IQSEC2: variants seen among roughly 807,000 people sequenced by gnomAD.
IQSEC2 encodes IQ motif and SEC7 domain-containing protein 2.
A neutral mutation model predicts 74.6 loss-of-function variants in IQSEC2; 6 were observed. The ratio of observed to expected loss-of-function variants is 0.08; its 90% CI spans 0.04 to 0.16. The LOEUF is 0.16. Among genes scored for constraint, IQSEC2 ranks in the 10% least tolerant of loss-of-function variants. The probability of loss-of-function intolerance (pLI) is 1.00; values close to 1 mark genes in which losing one functional copy is unlikely to be tolerated. For missense variants in IQSEC2, 734 were observed against 1,306.2 expected (o/e 0.56, Z 6.75); for synonymous variants, 494 against 544.5 (o/e 0.91, Z 1.29).
At chrX:53,265,777 T>C (rs1486065936) in intron 2 of IQSEC2, among the ~76,000 whole-genome samples, 2 of 111,777 alleles carry the variant, frequency 1.8e-5, no homozygotes, top group Non-Finnish European at 3.8e-5. Flanking sequence ...TGGCTTCCTC[T>C]CAGATTCAGA....
chrX:53,265,872 G>C (rs2074648136), intron 2 of IQSEC2, among the ~76,000 whole-genome samples: 1 of 112,524 alleles, frequency 8.9e-6, no homozygotes, highest in Non-Finnish European at 1.9e-5. Context: ...TGCATCATCA[G>C]AATTTGTTCA....
At position 53,320,564 on chromosome X, in the gene IQSEC2, C is replaced by T. The variant is rs886044891; in HGVS notation, c.560G>A (p.Gly187Asp). The T allele has an allele frequency of 2.9e-5, 34 of 1,156,125 alleles. No individual in the cohort carries two copies. Among genetic ancestry groups the T allele is most frequent in the Non-Finnish European group, 3.3e-5 (29 of 868,605 alleles). The change falls in exon 1 of 15, where the codon GGC becomes GAC. Residue 187 changes from glycine to aspartate, a missense_variant. Gly to Asp is a moderately conservative substitution (Grantham distance 94). Transcript: ENST00000642864. ...CCCCACGCCCACCGCCGCCGAATAG[C>T]CCGCTTCCTTCTCGCGGCCCGGGTG... is the stretch of plus-strand genomic sequence containing the variant. ...PAHPGREKEA[G>D]YSAAVGVGPR...
intron 1 of IQSEC2, among the ~76,000 whole-genome samples, chrX:53,316,579 G>T (rs1481242769): frequency 9.0e-6 from 1 of 111,306 alleles, no homozygotes. Context: ...TCAGCACTTT[G>T]GGACGCCAAG....
downstream of IQSEC2, chrX:53,226,280 G>C (rs2074037366): frequency 8.9e-6 from 1 of 112,836 alleles, no homozygotes; most frequent in Non-Finnish European, 1.9e-5. Context: ...GGCATCTACT[G>C]ATTGGAGGAT....
intron 2 of IQSEC2, among the ~76,000 whole-genome samples, chrX:53,289,395 G>C (rs1556872540): frequency 9.0e-6 from 1 of 110,955 alleles, no homozygotes. Flanking sequence ...CCCGCGTTCT[G>C]ACCTTACTGC....
intron 1 of IQSEC2, among the ~76,000 whole-genome samples, chrX:53,319,857 C>T (rs1196374221): frequency 9.0e-6 from 1 of 110,730 alleles, no homozygotes; most frequent in Admixed American, 9.6e-5. Flanking sequence ...CTTTGCTCCC[C>T]CCGGCCAGAA....
chrX:53,233,583 C>G lies in IQSEC2; in HGVS notation c.*636G>C, dbSNP rs2074080580. On this transcript the variant is annotated 3_prime_UTR_variant, in exon 15 of 15. Transcript: ENST00000642864. The stretch of plus-strand genomic sequence containing the variant: ...GGGCTGGGGCCTACTGGAGAAAGGG[C>G]ATAGACTGGCTCGAGAGAGGAAGCA... 1 of 196,980 alleles carries G rather than the reference C, an allele frequency of 5.1e-6. No homozygotes were observed. Among genetic ancestry groups the G allele is most frequent in the Non-Finnish European group, 9.3e-6 (1 of 107,630 alleles). 16.2% of individuals were successfully genotyped at this position (196,980 alleles called of 1,213,427 possible). A position where few individuals can be genotyped will look rare whatever the true frequency, so the allele number is the denominator to read the frequency against.
At chrX:53,266,905 G>T in intron 2 of IQSEC2, 1 of 766,417 alleles carries the variant, frequency 1.3e-6, no homozygotes, top group Non-Finnish European at 1.8e-6. Context: ...GTGGGTGGGG[G>T]GAAGGAGGGG....
chrX:53,232,848 C>T (rs1455480429), downstream of IQSEC2: 2 of 112,500 alleles, frequency 1.8e-5, no homozygotes, highest in African/African-American at 6.5e-5. Flanking sequence ...GGGGAAGGGG[C>T]GCAGAAGTAG....
At chrX:53,280,164 C>T (rs1221281565) in intron 2 of IQSEC2, among the ~76,000 whole-genome samples, 3 of 84,145 alleles carry the variant, frequency 3.6e-5, no homozygotes, top group African/African-American at 9.9e-5. Flanking sequence ...TCACACCAGA[C>T]GCCACAGGGG....
Position 53,236,512 on chromosome X carries a change from G to A in IQSEC2, c.3278-17C>T, listed in dbSNP as rs1556859759. 1 of 1,185,780 alleles carries A rather than the reference G, an allele frequency of 8.4e-7. No homozygotes were observed. The highest frequency in any genetic ancestry group is 1.1e-6 in the Non-Finnish European group (1 of 881,459). On this transcript the variant is annotated splice_polypyrimidine_tract_variant and intron_variant, in intron 12 of 14. Transcript: ENST00000642864. Reference sequence around the variant, plus strand: ...CCAGCTCCGCTGGGTGGCAGTCGGGGAGACAGGGAGCAAAGGTCAGGAACA... The same window carrying A: ...CCAGCTCCGCTGGGTGGCAGTCGGGAAGACAGGGAGCAAAGGTCAGGAACA...
chrX:53,238,966 C>A (rs781816119), intron 11 of IQSEC2, among the ~76,000 whole-genome samples: 1 of 111,422 alleles, frequency 9.0e-6, no homozygotes, highest in South Asian at 3.8e-4. Context: ...CTTTGGCCCA[C>A]CAGAGAACAC....
At chrX:53,279,614 C>T in intron 2 of IQSEC2, 1 of 1,202,864 alleles carries the variant, frequency 8.3e-7, no homozygotes, top group African/African-American at 1.8e-5. Flanking sequence ...AGTCAAGGAC[C>T]TGAGTAGGAC....
At position 53,242,893 on chromosome X, in the gene IQSEC2, G is replaced by A. The variant is rs1325491666; in HGVS notation, c.2889+439C>T. On this transcript the variant is annotated intron_variant, in intron 9 of 14. Transcript: ENST00000642864. Reference sequence around the variant, plus strand: ...TGGAACTCCAGGCATGCACCATCACGCCCGCAGCTAATTTTTGTATTTTTA... The same window carrying A: ...TGGAACTCCAGGCATGCACCATCACACCCGCAGCTAATTTTTGTATTTTTA... Among the ~76,000 whole-genome samples the A allele has an allele frequency of 5.4e-5, 6 of 111,020 alleles. No individual in the cohort carries two copies. The South Asian group carries it at 1.2e-3, about 21-fold the overall frequency.
At chrX:53,231,279 C>T (rs2074063114), downstream of IQSEC2, 1 of 110,537 alleles carries the variant, frequency 9.0e-6, no homozygotes, top group African/African-American at 3.3e-5. Flanking sequence ...GTTGGGAAAA[C>T]CTTCATCAGG....
At chrX:53,274,452 CT>C (rs66510453) in intron 2 of IQSEC2, among the ~76,000 whole-genome samples, 204 of 47,074 alleles carry the variant, frequency 4.3e-3, no homozygotes, top group African/African-American at 0.019. Context: ...AGTTACATTT[CT>C]TTTTTTTTTT....
intron 2 of IQSEC2, among the ~76,000 whole-genome samples, chrX:53,285,335 C>T (rs782416669): frequency 1.2e-4 from 14 of 112,711 alleles, no homozygotes; most frequent in Non-Finnish European, 2.1e-4. Flanking sequence ...TGTTACTCAC[C>T]ACCCTATCAG....
In IQSEC2 at chrX:53,233,906, C is replaced by A; in HGVS notation, c.*313G>T. The A allele has an allele frequency of 3.4e-6, 1 of 298,028 alleles. No individual in the cohort carries two copies. Among genetic ancestry groups the A allele is most frequent in the African/African-American group, 2.7e-5 (1 of 36,832 alleles). The allele number at this position is 298,028 out of a possible 1,213,427, so 24.6% of individuals were successfully genotyped here. On this transcript the variant is annotated 3_prime_UTR_variant, in exon 15 of 15. Coordinates refer to ENST00000642864, the MANE Select transcript of IQSEC2 (RefSeq NM_001111125.3). ...AGAGGTCTGAGGCCACAGAGCTAGA[C>A]CTCCAGGGAAAAGTGGGGAAGAAGA...
chrX:53,254,670 C>A lies in IQSEC2; in HGVS notation c.1261G>T (p.Ala421Ser). ...ASLDEGAMAGARSHRLERGLP... is the reference protein window; with the variant it reads ...ASLDEGAMAGSRSHRLERGLP... ...CCCCGTTCAAGCCGGTGGCTCCGGG[C>A]ACCAGCCATGGCACCCTCGTCCAGC... The change falls in exon 4 of 15, where the codon GCC becomes TCC. Residue 421 changes from alanine to serine, a missense_variant. By Grantham distance (99) the Ala-to-Ser change is moderately conservative. Transcript: ENST00000642864. The A allele has an allele frequency of 8.3e-7, 1 of 1,211,028 alleles. No individual in the cohort carries two copies. The highest frequency in any genetic ancestry group is 3.0e-5 in the East Asian group (1 of 33,833).
Sources: gnomAD v4.1 joint callset for allele counts (sites outside exome capture counted in the v4.1 genomes callset) on GRCh38, gnomAD v4.1.1 for gene constraint, MANE v1.5 for transcripts, NCBI Gene and HGNC (gene_info 2026-07-23, HGNC 2026-07-21) for gene names.